Variants in CLEC2D observed in about 807,000 individuals in gnomAD.
CLEC2D encodes the protein C-type lectin related f.
In CLEC2D, 16 loss-of-function variants were observed where a neutral mutation model predicts 20.0. The ratio of observed to expected loss-of-function variants is 0.80; its 90% CI spans 0.54 to 1.22. The LOEUF is 1.22. Ranked by LOEUF, CLEC2D falls within the 50% of genes most tolerant of loss-of-function variation. The pLI is 0.00. For synonymous variants in CLEC2D, 77 were observed against 71.1 expected (o/e 1.08, Z -0.42); for missense variants, 207 against 221.5 (o/e 0.93, Z 0.42).
intron 2 of CLEC2D, among the ~76,000 whole-genome samples, chr12:9,684,178 TC>T (rs1865705208): frequency 6.6e-6 from 1 of 152,228 alleles, no homozygotes; most frequent in Non-Finnish European, 1.5e-5. Context: ...TCTCTGTTTG[TC>T]TGTTATTGGT....
At chr12:9,685,111 G>A (rs1865721897) in intron 2 of CLEC2D, among the ~76,000 whole-genome samples, 1 of 152,194 alleles carries the variant, frequency 6.6e-6, no homozygotes, top group Admixed American at 6.5e-5. Flanking sequence ...AGTCTTGGGA[G>A]GGTGTATGTG....
At position 9,694,830 on chromosome 12, in the gene CLEC2D, A is replaced by G. The variant is rs760971132; in HGVS notation, c.532A>G (p.Thr178Ala). ...DKGASSARHY[T>A]ERKWICSKSD... ...AGGTGCCAGTAGTGCCAGGCACTAC[A>G]CAGAGAGGAAGTGGATTTGTTCCAA... Residue 178 changes from threonine to alanine, a missense_variant, in exon 5 of 5, where the codon ACA becomes GCA. Thr to Ala is a moderately conservative substitution (Grantham distance 58). Coordinates refer to ENST00000290855, the MANE Select transcript of CLEC2D (RefSeq NM_013269.6). 9.3e-6 allele frequency: 15 copies of G among 1,610,986 alleles called. No individual in the cohort carries two copies. The South Asian group carries it at 1.6e-4, about 18-fold the overall frequency.
In CLEC2D at chr12:9,696,712, A is replaced by G. The variant is rs1866003168; in HGVS notation, c.*1838A>G. On this transcript the variant is annotated 3_prime_UTR_variant, in exon 5 of 5. Coordinates refer to ENST00000290855, the MANE Select transcript of CLEC2D (RefSeq NM_013269.6). Reference sequence around the variant, plus strand: ...TATATCAAAAAGACAAGAAATAACAAGCATTGGTGAGAGTGTGGAGAAGAC... The same window carrying G: ...TATATCAAAAAGACAAGAAATAACAGGCATTGGTGAGAGTGTGGAGAAGAC... 6.3e-6 allele frequency: 1 copy of G among 157,622 alleles called. No individual in the cohort carries two copies. Among genetic ancestry groups the G allele is most frequent in the African/African-American group, 2.4e-5 (1 of 41,560 alleles). 9.8% of individuals were successfully genotyped at this position (157,622 alleles called of 1,614,324 possible).
chr12:9,692,782 T>G, intron 3 of CLEC2D, 46 bp from the exon 4 acceptor site: 1 of 1,268,046 alleles, frequency 7.9e-7, no homozygotes, highest in Non-Finnish European at 1.1e-6. Flanking sequence ...TGGGAGAGGA[T>G]GGGTTATGTT....
intron 1 of CLEC2D, among the ~76,000 whole-genome samples, chr12:9,675,161 A>G (rs1160604348): frequency 5.7e-5 from 8 of 141,392 alleles, no homozygotes; most frequent in East Asian, 2.0e-4. Context: ...TCTGCTTTCT[A>G]TCCTTTTTCA....
rs1294127006 is a variant in CLEC2D at position 9,699,025 on chromosome 12, T to A, written c.*4151T>A. 6.6e-6 allele frequency: 1 copy of A among 152,192 alleles called. No homozygotes were observed. Among genetic ancestry groups the A allele is most frequent in the South Asian group, 2.1e-4 (1 of 4,824 alleles). The allele number at this position is 152,192 out of a possible 1,614,324, so 9.4% of individuals were successfully genotyped here. On this transcript the variant is annotated 3_prime_UTR_variant, in exon 5 of 5. Transcript: ENST00000290855. ...AATGAAGTCTCTTAACCCACCTGGA[T>A]AGATTTTTCTCACAAACCATTGTCT...
chr12:9,696,268 CT>C lies in CLEC2D; in HGVS notation c.*1396del. The C allele has an allele frequency of 1.3e-6, 1 of 749,156 alleles. No homozygotes were observed. The highest frequency in any genetic ancestry group is 2.4e-6 in the Non-Finnish European group (1 of 416,364). 46.4% of individuals were successfully genotyped at this position (749,156 alleles called of 1,614,324 possible). A position where few individuals can be genotyped will look rare whatever the true frequency, so the allele number is the denominator to read the frequency against. Reference sequence around the variant, plus strand: ...AAACAATTTGTTAAAAATTTTCCATCTTATTTCATTTCTGTAACAGTTGATA... The same window carrying C: ...AAACAATTTGTTAAAAATTTTCCATCTATTTCATTTCTGTAACAGTTGATA... On this transcript the variant is annotated 3_prime_UTR_variant, in exon 5 of 5. Transcript: ENST00000290855.
intron 2 of CLEC2D, among the ~76,000 whole-genome samples, chr12:9,687,007 G>A (rs1039411977): frequency 2.0e-5 from 3 of 152,126 alleles, no homozygotes; most frequent in Non-Finnish European, 2.9e-5. Flanking sequence ...AGCAGCAATC[G>A]CCAACCTTGT....
At chr12:9,677,553 T>TG (rs762488137) in intron 1 of CLEC2D, among the ~76,000 whole-genome samples, 10 of 152,178 alleles carry the variant, frequency 6.6e-5, no homozygotes, top group Non-Finnish European at 1.3e-4. Flanking sequence ...TCTATTATGG[T>TG]GATTATTCCA....
chr12:9,681,161 A>G, intron 2 of CLEC2D, 128 bp downstream of exon 2: 1 of 560,524 alleles, frequency 1.8e-6, no homozygotes, highest in Non-Finnish European at 3.1e-6. Flanking sequence ...GTTACACTCC[A>G]ATAACTTTTT....
intron 2 of CLEC2D, among the ~76,000 whole-genome samples, chr12:9,687,020 G>A (rs1397426649): frequency 6.6e-6 from 1 of 152,150 alleles, no homozygotes. Context: ...AACCTTGTTG[G>A]CATGAGGGAC....
At chr12:9,692,321 TAGAG>T (rs2120976712) in intron 3 of CLEC2D, among the ~76,000 whole-genome samples, 1 of 152,082 alleles carries the variant, frequency 6.6e-6, no homozygotes, top group South Asian at 2.1e-4. Context: ...TTTTTTTTAA[TAGAG>T]AGGGGGCTTC....
At position 9,694,801 on chromosome 12, in the gene CLEC2D, A is replaced by G; in HGVS notation, c.503A>G (p.Asp168Gly). Residue 168 changes from aspartate (D) to glycine (G), a missense_variant, in exon 5 of 5, where the codon GAC (aspartate) becomes GGC (glycine). Asp to Gly is a moderately conservative substitution (Grantham distance 94). Coordinates refer to ENST00000290855, the MANE Select transcript of CLEC2D (RefSeq NM_013269.6). ...GCAGGAGAGTGTGCCTATTTGAATG[A>G]CAAAGGTGCCAGTAGTGCCAGGCAC... ...LGAGECAYLN[D>G]KGASSARHYT... 2 of 1,613,178 alleles carry G rather than the reference A, an allele frequency of 1.2e-6. No homozygotes were observed. The highest frequency in any genetic ancestry group is 8.5e-7 in the Non-Finnish European group (1 of 1,179,266).
Position 9,687,954 on chromosome 12 carries a change from C to T in CLEC2D, c.225C>T (p.Cys75=). Residue 75 remains cysteine, a synonymous_variant, in exon 3 of 5, where the codon TGC becomes TGT. Transcript: ENST00000290855. ...QEPSVCLQAA[C]PESWIGFQRK... Reference sequence around the variant, plus strand: ...CATCAGTATGTCTTCAAGCTGCATGCCCAGAAAGCTGGATTGGTTTTCAAA... The same window carrying T: ...CATCAGTATGTCTTCAAGCTGCATGTCCAGAAAGCTGGATTGGTTTTCAAA... 14 of 1,611,126 alleles carry T rather than the reference C, an allele frequency of 8.7e-6. No homozygotes were observed. The highest frequency in any genetic ancestry group is 1.0e-5 in the Non-Finnish European group (12 of 1,178,480).
intron 2 of CLEC2D, among the ~76,000 whole-genome samples, chr12:9,685,054 C>T (rs779021135): frequency 6.6e-6 from 1 of 152,336 alleles, no homozygotes; most frequent in Admixed American, 6.5e-5. Flanking sequence ...GCCTCAGTTT[C>T]AGAACCTGTT....
At chr12:9,679,354 GAT>G (rs1292484958) in intron 1 of CLEC2D, among the ~76,000 whole-genome samples, 1 of 150,976 alleles carries the variant, frequency 6.6e-6, no homozygotes, top group East Asian at 1.9e-4. Context: ...TTTGTTTTTT[GAT>G]ATAAGACAAG....
In CLEC2D at chr12:9,697,007, A is replaced by G. The variant is rs1866010029; in HGVS notation, c.*2133A>G. On this transcript the variant is annotated 3_prime_UTR_variant, in exon 5 of 5. Transcript: ENST00000290855. Reference sequence around the variant, plus strand: ...AATGGATAAAGAAATTGTCATATATATAAAACACACACATTATATACATAC... The same window carrying G: ...AATGGATAAAGAAATTGTCATATATGTAAAACACACACATTATATACATAC... 1 of 144,806 alleles carries G rather than the reference A, an allele frequency of 6.9e-6. No individual in the cohort carries two copies. The highest frequency in any genetic ancestry group is 1.5e-5 in the Non-Finnish European group (1 of 66,922). The allele number at this position is 144,806 out of a possible 1,614,324, so 9.0% of individuals were successfully genotyped here. A position where few individuals can be genotyped will look rare whatever the true frequency, so the allele number is the denominator to read the frequency against.
At chr12:9,674,063 T>A (rs1420093274) in intron 1 of CLEC2D, 1 of 152,374 alleles carries the variant, frequency 6.6e-6, no homozygotes, top group African/African-American at 2.4e-5. Context: ...TGGGCTCTCC[T>A]CCTTGGCTTC....
rs2121005521 is a variant in CLEC2D, at chr12:9,698,168, CTA to C, written c.*3296_*3297del. On this transcript the variant is annotated 3_prime_UTR_variant, in exon 5 of 5. Coordinates refer to ENST00000290855, the MANE Select transcript of CLEC2D (RefSeq NM_013269.6). ...TGTGATGTTCTGATATATGTGTACA[CTA>C]TGGAATGATTAAATCAAACTAACAT... 6.6e-6 allele frequency: 1 copy of C among 152,268 alleles called. No homozygotes were observed. Among genetic ancestry groups the C allele is most frequent in the African/African-American group, 2.4e-5 (1 of 41,548 alleles). The allele number at this position is 152,268 out of a possible 1,614,324, so 9.4% of individuals were successfully genotyped here.
Sources: gnomAD v4.1 joint callset for allele counts (sites outside exome capture counted in the v4.1 genomes callset) on GRCh38, gnomAD v4.1.1 for gene constraint, MANE v1.5 for transcripts, NCBI Gene and HGNC (gene_info 2026-07-23, HGNC 2026-07-21) for gene names.